Variants in AFF1 observed in about 807,000 individuals in gnomAD.
The protein encoded by AFF1 is AF4/FMR2 family member 1.
A neutral mutation model predicts 121.7 loss-of-function variants in AFF1; 48 were observed. The ratio of observed to expected loss-of-function variants is 0.39; its 90% CI spans 0.31 to 0.50. The LOEUF is 0.50. AFF1 is among the 20% of genes least tolerant of loss of function. AFF1 has a pLI of 0.76. For synonymous variants in AFF1, 613 were observed against 563.0 expected (o/e 1.09, Z -1.26); for missense variants, 1,523 against 1,511.7 (o/e 1.01, Z -0.12).
chr4:86,985,851 G>C (rs1444620776), intron 2 of AFF1, among the ~76,000 whole-genome samples: 1 of 151,306 alleles, frequency 6.6e-6, no homozygotes, highest in African/African-American at 2.4e-5. Flanking sequence ...TAGAGAAAAA[G>C]TTATTTACAG....
chr4:87,015,094 T>C (rs1367995424), intron 2 of AFF1, among the ~76,000 whole-genome samples: 1 of 152,036 alleles, frequency 6.6e-6, no homozygotes, highest in Non-Finnish European at 1.5e-5. Context: ...ATTGCTGGGT[T>C]TTAGTTGTTG....
intron 7 of AFF1, 107 bp from the exon 8 acceptor site, chr4:87,094,808 G>A (rs1724664448): frequency 1.1e-6 from 1 of 939,176 alleles, no homozygotes; most frequent in East Asian, 2.5e-5. Context: ...ATTGTACCAA[G>A]TGCAGTGTGT....
intron 8 of AFF1, 136 bp downstream of exon 8, chr4:87,095,105 G>T: frequency 1.2e-6 from 1 of 849,950 alleles, no homozygotes; most frequent in Non-Finnish European, 1.8e-6. Flanking sequence ...GGAAGAAAGG[G>T]CCCACATTAA....
chr4:87,042,885 T>G (rs891878840), intron 2 of AFF1, among the ~76,000 whole-genome samples: 2 of 152,192 alleles, frequency 1.3e-5, no homozygotes, highest in African/African-American at 4.8e-5. Context: ...GGAATGAAAA[T>G]CTGGAAGTAT....
intron 12 of AFF1, among the ~76,000 whole-genome samples, chr4:87,123,383 C>G (rs531975614): frequency 6.6e-6 from 1 of 152,308 alleles, no homozygotes; most frequent in South Asian, 2.1e-4. Flanking sequence ...GCTGTGGCTG[C>G]AGCTGCCAGA....
At chr4:87,059,194 G>A (rs1412151799) in intron 4 of AFF1, among the ~76,000 whole-genome samples, 2 of 152,174 alleles carry the variant, frequency 1.3e-5, no homozygotes, top group Non-Finnish European at 2.9e-5. Flanking sequence ...CTCTTAAAAC[G>A]TATTTTGAGA....
intron 2 of AFF1, among the ~76,000 whole-genome samples, chr4:86,950,616 T>C (rs1226523162): frequency 6.6e-6 from 1 of 152,188 alleles, no homozygotes; most frequent in Non-Finnish European, 1.5e-5. Flanking sequence ...TTGTGGACCA[T>C]CCCAAATGTT....
At chr4:86,980,958 C>A (rs1312986147) in intron 2 of AFF1, among the ~76,000 whole-genome samples, 5 of 93,074 alleles carry the variant, frequency 5.4e-5, no homozygotes, top group Admixed American at 2.3e-4. Context: ...CCCCCCCCCT[C>A]CACCAAAAAA....
chr4:86,947,884 C>T (rs1720986165), intron 1 of AFF1, among the ~76,000 whole-genome samples: 1 of 151,442 alleles, frequency 6.6e-6, no homozygotes, highest in Non-Finnish European at 1.5e-5. Context: ...TTGATTGTCA[C>T]TGGGACCCAC....
At chr4:86,985,866 A>T (rs1441040896) in intron 2 of AFF1, among the ~76,000 whole-genome samples, 1 of 148,852 alleles carries the variant, frequency 6.7e-6, no homozygotes, top group Non-Finnish European at 1.5e-5. Context: ...TTACAGAAAA[A>T]AAAACTAATA....
rs1729386429 is a variant in AFF1, at chr4:87,137,394, T to A, written c.*1693T>A. 1 of 229,998 alleles carries A rather than the reference T, an allele frequency of 4.3e-6. No individual in the cohort carries two copies. The highest frequency in any genetic ancestry group is 8.6e-6 in the Non-Finnish European group (1 of 115,864). The allele number at this position is 229,998 out of a possible 1,614,324, so 14.2% of individuals were successfully genotyped here. The stretch of plus-strand genomic sequence containing the variant: ...TAGTTTGTAAATACACAAAGGGATG[T>A]GTCGAGGGATGGGAGCGATGCTTAT... On this transcript the variant is annotated 3_prime_UTR_variant, in exon 21 of 21. Coordinates refer to ENST00000395146, the MANE Select transcript of AFF1 (RefSeq NM_001166693.3).
At chr4:87,072,743 C>G (rs1437227429) in intron 4 of AFF1, among the ~76,000 whole-genome samples, 2 of 152,090 alleles carry the variant, frequency 1.3e-5, no homozygotes, top group African/African-American at 2.4e-5. Flanking sequence ...GTTGGCCAGG[C>G]TGGTCACAAA....
Position 87,114,651 on chromosome 4 carries a change from C to A in AFF1, c.1818C>A (p.Thr606=), listed in dbSNP as rs751790085. 1 of 1,613,234 alleles carries A rather than the reference C, an allele frequency of 6.2e-7. No individual in the cohort carries two copies. Among genetic ancestry groups the A allele is most frequent in the Admixed American group, 1.7e-5 (1 of 59,988 alleles). The change falls in exon 12 of 21, where the codon ACC becomes ACA. Residue 606 remains threonine (T), a synonymous_variant. Coordinates refer to ENST00000395146, the MANE Select transcript of AFF1 (RefSeq NM_001166693.3). ...AGCAGGAGCCCCCACAAAGGCAAAC[C>A]GTTGGAACCAAACAACCCAAAAAAC... ...PAQQEPPQRQ[T]VGTKQPKKPV...
intron 12 of AFF1, among the ~76,000 whole-genome samples, chr4:87,119,854 A>G (rs902057239): frequency 6.6e-6 from 1 of 152,216 alleles, no homozygotes; most frequent in African/African-American, 2.4e-5. Flanking sequence ...CGTTTTGAAG[A>G]GTGAGGAAGG....
chr4:87,059,730 C>T (rs1202767456), intron 4 of AFF1, among the ~76,000 whole-genome samples: 2 of 152,180 alleles, frequency 1.3e-5, no homozygotes, highest in East Asian at 1.9e-4. Context: ...TGCCTTGTTC[C>T]ACTGCAGCCC....
intron 2 of AFF1, among the ~76,000 whole-genome samples, chr4:87,020,549 A>G (rs867979794): frequency 6.6e-6 from 1 of 152,106 alleles, no homozygotes; most frequent in African/African-American, 2.4e-5. Context: ...CAGTGGCGCA[A>G]TTTCGGCTCA....
chr4:87,100,202 A>G (rs1450697347), intron 8 of AFF1, among the ~76,000 whole-genome samples: 1 of 152,120 alleles, frequency 6.6e-6, no homozygotes, highest in Non-Finnish European at 1.5e-5. Flanking sequence ...TCTTAGCCTT[A>G]AGGGTAGTTA....
chr4:87,124,924 A>C, intron 12 of AFF1, 113 bp from the exon 13 acceptor site: 9 of 768,522 alleles, frequency 1.2e-5, no homozygotes, highest in African/African-American at 1.8e-5. Context: ...CTGTGCGTAC[A>C]GAGATGTCTC....
intron 5 of AFF1, 57 bp downstream of exon 5, chr4:87,084,221 A>T: frequency 6.4e-7 from 1 of 1,550,578 alleles, no homozygotes. Flanking sequence ...GTAGGCGTAC[A>T]TCCATTTACT....
Sources: allele counts gnomAD v4.1 joint callset (sites outside exome capture counted in the v4.1 genomes callset), GRCh38; gene constraint gnomAD v4.1.1; transcripts MANE v1.5; gene names NCBI Gene and HGNC (gene_info 2026-07-23, HGNC 2026-07-21).